The following GAD1 variants were observed in gnomAD, a reference collection of about 807,000 sequenced individuals.
The protein encoded by GAD1 is 67 kDa glutamic acid decarboxylase.
Under a neutral mutation model 75.2 loss-of-function variants are expected in GAD1, and 35 were observed. The observed-to-expected ratio is 0.47, with a 90% CI of 0.36 to 0.62. The LOEUF (loss-of-function observed/expected upper bound fraction) is 0.62, where lower values mean the gene tolerates loss of function less well. GAD1 is among the 20% of genes least tolerant of loss of function. GAD1 has a pLI of 0.00. For missense variants in GAD1, 490 were observed against 758.5 expected (o/e 0.65, Z 4.16); for synonymous variants, 257 against 271.9 (o/e 0.95, Z 0.54).
chr2:170,824,419 A>ACACACACC (rs1280660110), intron 3 of GAD1, among the ~76,000 whole-genome samples: 2 of 115,828 alleles, frequency 1.7e-5, no homozygotes, highest in Non-Finnish European at 3.6e-5. Flanking sequence ...ACACACACAC[A>ACACACACC]CCCCTCCCTT....
chr2:170,840,341 C>T (rs571851746), intron 6 of GAD1, among the ~76,000 whole-genome samples: 4 of 152,284 alleles, frequency 2.6e-5, no homozygotes, highest in Admixed American at 6.5e-5. Flanking sequence ...CCTAAGCTCC[C>T]CTCAGCTATG....
At chr2:170,835,879 A>G (rs1413304797) in intron 5 of GAD1, among the ~76,000 whole-genome samples, 1 of 152,228 alleles carries the variant, frequency 6.6e-6, no homozygotes, top group Non-Finnish European at 1.5e-5. Flanking sequence ...AATATCTAGA[A>G]TATGGCCCCA....
intron 5 of GAD1, among the ~76,000 whole-genome samples, chr2:170,834,696 T>C (rs1702325875): frequency 6.6e-6 from 1 of 152,164 alleles, no homozygotes; most frequent in South Asian, 2.1e-4. Flanking sequence ...CCGCCATCCA[T>C]TCCCCATCAC....
chr2:170,844,165 T>G lies in GAD1; in HGVS notation c.751+8T>G. The G allele has an allele frequency of 7.2e-7, 1 of 1,389,656 alleles. No individual in the cohort carries two copies. Among genetic ancestry groups the G allele is most frequent in the South Asian group, 1.2e-5 (1 of 86,334 alleles). 86.1% of individuals were successfully genotyped at this position (1,389,656 alleles called of 1,614,324 possible). On this transcript the variant is annotated splice_region_variant and intron_variant, in intron 7 of 16. Coordinates refer to ENST00000358196, the MANE Select transcript of GAD1 (RefSeq NM_000817.3). ...ATGGGATATTTTCTCCTGGTAGGTTTCTCTTCTCTTCCTCTTCTCAAGGTT... is the reference window on the plus strand; with the variant it reads ...ATGGGATATTTTCTCCTGGTAGGTTGCTCTTCTCTTCCTCTTCTCAAGGTT...
chr2:170,823,144 A>T (rs45465192), intron 3 of GAD1, among the ~76,000 whole-genome samples: 3,242 of 152,224 alleles, frequency 0.021, 135 homozygotes, highest in Admixed American at 0.1. Flanking sequence ...GAGGTTGGAG[A>T]GGCGGGGGAA....
chr2:170,850,487 G>C lies in GAD1; in HGVS notation c.1184+1137G>C, dbSNP rs113799949. Among the ~76,000 whole-genome samples, 388 of 152,304 alleles carry C rather than the reference G, an allele frequency of 2.5e-3. 3 individuals are homozygous for C. The highest frequency in any genetic ancestry group is 8.8e-3 in the African/African-American group (365 of 41,568). ...GACTGTTCTTGGCAAGTGGGAGGAG[G>C]ATCAAAGAGGCCATTGGGGCTGGAG... On this transcript the variant is annotated intron_variant, in intron 12 of 16. Transcript: ENST00000358196.
At chr2:170,844,219 G>C in intron 7 of GAD1, 62 bp downstream of exon 7, 1 of 963,970 alleles carries the variant, frequency 1.0e-6, no homozygotes, top group Non-Finnish European at 1.7e-6. Context: ...AAAATATGAA[G>C]TAGGTTTATG....
At chr2:170,831,594 A>ATGTGTGTGTGTGTGTGTGTGTG (rs370649454) in intron 5 of GAD1, among the ~76,000 whole-genome samples, 4 of 122,802 alleles carry the variant, frequency 3.3e-5, no homozygotes, top group African/African-American at 6.2e-5. Context: ...GTCTCTACAT[A>ATGTGTGTGTGTGTGTGTGTGTG]TGTGTGTGTG....
chr2:170,853,953 C>T lies in GAD1; in HGVS notation c.1344C>T (p.Thr448=), dbSNP rs752869620. Residue 448 remains threonine, a synonymous_variant, in exon 14 of 17, where the codon ACC becomes ACT. Coordinates refer to ENST00000358196, the MANE Select transcript of GAD1 (RefSeq NM_000817.3). This position sits in a 1 kb window ranked among gnomAD's most constrained non-coding sequence, Gnocchi z 4.1. The part of the protein sequence containing the change: ...PDKQYDVSYD[T]GDKAIQCGRH... ...AGCAGTATGATGTCTCCTACGACAC[C>T]GGGGACAAGGCAATTCAGTGTGGCC... 9 of 1,614,022 alleles carry T rather than the reference C, an allele frequency of 5.6e-6. No homozygotes were observed. The highest frequency in any genetic ancestry group is 4.5e-5 in the East Asian group (2 of 44,878).
At chr2:170,852,531 A>C in intron 12 of GAD1, 183 bp from the exon 13 acceptor site, 1 of 646,044 alleles carries the variant, frequency 1.5e-6, no homozygotes, top group Non-Finnish European at 2.8e-6. Flanking sequence ...TCTAAGATAT[A>C]GTCCGTAATG....
At chr2:170,834,445 A>T (rs899960563) in intron 5 of GAD1, among the ~76,000 whole-genome samples, 2 of 142,836 alleles carry the variant, frequency 1.4e-5, no homozygotes, top group African/African-American at 5.2e-5. Flanking sequence ...TTTCTCTATA[A>T]ATTAATAAAA....
chr2:170,860,151 T>C lies in GAD1; in HGVS notation c.*269T>C. ...ATATACATGTATAGTGAGTGTGGCTTAGTAATAGATCACGGCATGTTTCCC... is the reference window on the plus strand; with the variant it reads ...ATATACATGTATAGTGAGTGTGGCTCAGTAATAGATCACGGCATGTTTCCC... On this transcript the variant is annotated 3_prime_UTR_variant, in exon 17 of 17. Coordinates refer to ENST00000358196, the MANE Select transcript of GAD1 (RefSeq NM_000817.3). 1 of 388,736 alleles carries C rather than the reference T, an allele frequency of 2.6e-6. No individual in the cohort carries two copies. The highest frequency in any genetic ancestry group is 4.7e-6 in the Non-Finnish European group (1 of 210,940). The allele number at this position is 388,736 out of a possible 1,614,324, so 24.1% of individuals were successfully genotyped here. A position where few individuals can be genotyped will look rare whatever the true frequency, so the allele number is the denominator to read the frequency against.
intron 15 of GAD1, among the ~76,000 whole-genome samples, chr2:170,857,753 G>C (rs890388962): frequency 2.0e-5 from 3 of 152,146 alleles, no homozygotes; most frequent in African/African-American, 4.8e-5. Flanking sequence ...AATTGTCTCT[G>C]CCCTCAGTTC....
intron 13 of GAD1, 34 bp downstream of exon 13, chr2:170,852,826 G>C: frequency 6.3e-7 from 1 of 1,583,852 alleles, no homozygotes; most frequent in East Asian, 2.2e-5. Flanking sequence ...ACTGGGGCCC[G>C]TACGTTCTTT....
At position 170,843,849 on chromosome 2, in the gene GAD1, C is replaced by T. The variant is rs2302659; in HGVS notation, c.639-196C>T. 142,554 of 578,736 alleles carry T rather than the reference C, an allele frequency of 0.25. 19,648 individuals are homozygous for T. The highest frequency in any genetic ancestry group is 0.36 in the South Asian group (18,225 of 50,236). The allele number at this position is 578,736 out of a possible 1,614,324, so 35.9% of individuals were successfully genotyped here. A position where few individuals can be genotyped will look rare whatever the true frequency, so the allele number is the denominator to read the frequency against. On this transcript the variant is annotated intron_variant, in intron 6 of 16. Coordinates refer to ENST00000358196, the MANE Select transcript of GAD1 (RefSeq NM_000817.3). ...CAGGGCTGGCACTTCCACCACCTCTCTCAGTAACCCAGGCTGGTTTCTGAC... is the reference window on the plus strand; with the variant it reads ...CAGGGCTGGCACTTCCACCACCTCTTTCAGTAACCCAGGCTGGTTTCTGAC...
At chr2:170,850,124 T>C (rs1489895770) in intron 12 of GAD1, among the ~76,000 whole-genome samples, 4 of 152,246 alleles carry the variant, frequency 2.6e-5, no homozygotes, top group Non-Finnish European at 5.9e-5. Context: ...CAGCCACCTA[T>C]GGTGCTTTTC....
chr2:170,831,634 G>GTGTGTGTGTGTGTGTGTGTA (rs1165758709), intron 5 of GAD1, among the ~76,000 whole-genome samples: 226 of 132,072 alleles, frequency 1.7e-3, no homozygotes, highest in African/African-American at 6.2e-3. Context: ...GTGTGTGTGT[G>GTGTGTGTGTGTGTGTGTGTA]TATATACCTA....
In GAD1 at chr2:170,836,095, G is replaced by A. The variant is rs529684263; in HGVS notation, c.548-698G>A. ...ACATTCTAACACTAGCTCTCTGACC[G>A]TTTTTGGTTGTTTTTCTTTTTTTTT... On this transcript the variant is annotated intron_variant, in intron 5 of 16. Transcript: ENST00000358196. 1.3e-4 allele frequency among the ~76,000 whole-genome samples: 20 copies of A among 150,938 alleles called. No individual in the cohort carries two copies. The South Asian group carries it at 1.5e-3, about 11-fold the overall frequency.
At chr2:170,817,653 T>C (rs1345383277) in intron 1 of GAD1, 1 of 152,406 alleles carries the variant, frequency 6.6e-6, no homozygotes, top group African/African-American at 2.4e-5. Flanking sequence ...AAGATCTTTG[T>C]CCGCCGCCTC....
Sources: allele counts gnomAD v4.1 joint callset (sites outside exome capture counted in the v4.1 genomes callset), GRCh38; gene constraint gnomAD v4.1.1; non-coding constraint Gnocchi (gnomAD v3.1); transcripts MANE v1.5; gene names NCBI Gene and HGNC (gene_info 2026-07-23, HGNC 2026-07-21).